CLIC5: variants seen among roughly 807,000 people sequenced by gnomAD.
CLIC5 encodes the protein chloride intracellular channel protein 5.
Under a neutral mutation model 24.7 loss-of-function variants are expected in CLIC5, and 20 were observed. The observed-to-expected ratio is 0.81, with a 90% CI of 0.57 to 1.18. CLIC5 has a LOEUF of 1.18. Ranked by LOEUF, CLIC5 falls within the 50% of genes most tolerant of loss-of-function variation. The probability of loss-of-function intolerance (pLI) is 0.00; values close to 1 mark genes in which losing one functional copy is unlikely to be tolerated. For synonymous variants in CLIC5, 159 were observed against 135.6 expected (o/e 1.17, Z -1.20); for missense variants, 341 against 326.1 (o/e 1.05, Z -0.35).
intron 5 of CLIC5, among the ~76,000 whole-genome samples, chr6:45,907,794 T>A (rs969129916): frequency 6.6e-6 from 1 of 152,192 alleles, no homozygotes; most frequent in African/African-American, 2.4e-5. Flanking sequence ...AAGTTGTTGA[T>A]CAGTTCCAGG....
At chr6:45,958,807 C>G (rs977762492) in intron 1 of CLIC5, among the ~76,000 whole-genome samples, 10 of 152,172 alleles carry the variant, frequency 6.6e-5, no homozygotes, top group African/African-American at 2.4e-4. Context: ...TCTTCAGCAG[C>G]AACAAGCACA....
chr6:45,891,303 A>T (rs1762345036), intron 6 of CLIC5, among the ~76,000 whole-genome samples: 1 of 152,222 alleles, frequency 6.6e-6, no homozygotes, highest in South Asian at 2.1e-4. Context: ...AATAAGATGT[A>T]TGCATATACT....
intron 1 of CLIC5, among the ~76,000 whole-genome samples, chr6:45,982,790 C>T (rs1335493949): frequency 6.6e-6 from 1 of 152,176 alleles, no homozygotes; most frequent in Admixed American, 6.5e-5. Flanking sequence ...GATTGCATGG[C>T]TGCATAGATG....
At chr6:45,960,511 G>C (rs1471451430) in intron 1 of CLIC5, among the ~76,000 whole-genome samples, 2 of 152,328 alleles carry the variant, frequency 1.3e-5, no homozygotes, top group East Asian at 3.9e-4. Context: ...TGGGCTGGGG[G>C]TGGGCAGTGT....
the CLIC5 span, among the ~76,000 whole-genome samples, chr6:46,096,885 T>G: frequency 6.6e-6 from 1 of 152,234 alleles, no homozygotes; most frequent in East Asian, 1.9e-4. Flanking sequence ...ATCTATAGTT[T>G]GTTAAAAGGC....
intron 1 of CLIC5, among the ~76,000 whole-genome samples, chr6:46,057,685 G>A (rs144632558): frequency 1.3e-5 from 2 of 152,288 alleles, no homozygotes; most frequent in East Asian, 3.9e-4. Context: ...CAGCCCTGCA[G>A]GCAACTGTCT....
chr6:45,970,659 C>T (rs1765171096), intron 1 of CLIC5, among the ~76,000 whole-genome samples: 1 of 152,146 alleles, frequency 6.6e-6, no homozygotes, highest in African/African-American at 2.4e-5. Flanking sequence ...TTTCCAAGCC[C>T]TACCATATTT....
chr6:45,955,337 C>T, intron 1 of CLIC5, 93 bp from the exon 2 acceptor site: 3 of 844,650 alleles, frequency 3.6e-6, no homozygotes, highest in Non-Finnish European at 5.6e-6. Context: ...CTGAGGAGAC[C>T]TTACTAAAAC....
At chr6:46,084,613 C>T (rs1762991916), upstream of CLIC5, among the ~76,000 whole-genome samples, 1 of 152,236 alleles carries the variant, frequency 6.6e-6, no homozygotes, top group African/African-American at 2.4e-5. Context: ...CCACTCTCTT[C>T]TGGCTTGTAG....
intron 1 of CLIC5, among the ~76,000 whole-genome samples, chr6:45,991,784 T>C (rs1207871976): frequency 6.6e-6 from 1 of 152,092 alleles, no homozygotes; most frequent in Non-Finnish European, 1.5e-5. Flanking sequence ...AGGGTTGCTA[T>C]AGTAGAAAGA....
intron 1 of CLIC5, among the ~76,000 whole-genome samples, chr6:46,002,448 G>A (rs1350169984): frequency 2.0e-5 from 3 of 152,124 alleles, no homozygotes; most frequent in African/African-American, 7.2e-5. Flanking sequence ...AACTGGCCAG[G>A]GGACAAAATC....
intron 1 of CLIC5, among the ~76,000 whole-genome samples, chr6:45,986,250 T>C (rs1407445725): frequency 1.3e-5 from 2 of 152,206 alleles, no homozygotes; most frequent in East Asian, 3.8e-4. Context: ...ATCATTGATT[T>C]CCCCAGCATC....
At chr6:46,125,934 G>C in the CLIC5 span, among the ~76,000 whole-genome samples, 2 of 152,304 alleles carry the variant, frequency 1.3e-5, no homozygotes, top group South Asian at 4.1e-4. Context: ...TTATGGCCTG[G>C]ACTGAGGCAT....
chr6:46,109,827 G>A, the CLIC5 span, among the ~76,000 whole-genome samples: 1 of 151,782 alleles, frequency 6.6e-6, no homozygotes, highest in African/African-American at 2.4e-5. Context: ...GAAAAGCTGA[G>A]CGTTGGGAGA....
the CLIC5 span, among the ~76,000 whole-genome samples, chr6:46,091,693 A>G: frequency 2.0e-5 from 3 of 152,222 alleles, no homozygotes; most frequent in Non-Finnish European, 4.4e-5. Flanking sequence ...AGCCATGTTC[A>G]TACCAAAAAA....
At chr6:45,987,564 G>A (rs6458481) in intron 1 of CLIC5, among the ~76,000 whole-genome samples, 76,200 of 151,790 alleles carry the variant, frequency 0.5, 19,933 homozygotes, top group East Asian at 0.77. Flanking sequence ...ACAAAATCCT[G>A]TAGATTGTGT....
chr6:45,967,366 C>T (rs1307126001), intron 1 of CLIC5, among the ~76,000 whole-genome samples: 2 of 152,182 alleles, frequency 1.3e-5, no homozygotes, highest in Non-Finnish European at 2.9e-5. Flanking sequence ...GACATGATGG[C>T]CAGGTCATCA....
chr6:46,028,389 A>G (rs891282442), intron 1 of CLIC5, among the ~76,000 whole-genome samples: 2 of 152,210 alleles, frequency 1.3e-5, no homozygotes, highest in African/African-American at 4.8e-5. Flanking sequence ...CTGGGTGGCC[A>G]TTTGCCTGCA....
intron 1 of CLIC5, among the ~76,000 whole-genome samples, chr6:45,958,890 C>T (rs562357363): frequency 6.6e-6 from 1 of 152,170 alleles, no homozygotes; most frequent in East Asian, 1.9e-4. Context: ...GATGTCCCTC[C>T]CTTTTTGTGG....
Sources: allele counts gnomAD v4.1 joint callset (sites outside exome capture counted in the v4.1 genomes callset), GRCh38; gene constraint gnomAD v4.1.1; transcripts MANE v1.5; gene names NCBI Gene and HGNC (gene_info 2026-07-23, HGNC 2026-07-21).